Variants in ANK2 observed in about 807,000 individuals in gnomAD.
The protein encoded by ANK2 is ankyrin 2.
In ANK2, 83 loss-of-function variants were observed where a neutral mutation model predicts 360.5. The observed-to-expected ratio is 0.23, with a 90% CI of 0.19 to 0.28. The LOEUF (loss-of-function observed/expected upper bound fraction) is 0.28. Ranked by LOEUF, ANK2 falls within the 10% of genes least tolerant of loss-of-function variation. ANK2 has a pLI of 1.00. For missense variants in ANK2, 4,201 were observed against 4,795.7 expected (o/e 0.88, Z 3.66); for synonymous variants, 1,740 against 1,759.5 (o/e 0.99, Z 0.28).
At chr4:113,294,410 GAGA>G (rs528926874) in intron 22 of ANK2, among the ~76,000 whole-genome samples, 62 of 152,326 alleles carry the variant, frequency 4.1e-4, no homozygotes, top group African/African-American at 1.3e-3. Flanking sequence ...AGTACGACAT[GAGA>G]AGCTCTTCAA....
At chr4:113,139,189 C>A (rs900259054) in intron 1 of ANK2, among the ~76,000 whole-genome samples, 1 of 152,198 alleles carries the variant, frequency 6.6e-6, no homozygotes, top group Non-Finnish European at 1.5e-5. Context: ...TTCTCTCCAG[C>A]CTACCATGAA....
At chr4:113,263,773 A>T (rs2054368972) in intron 13 of ANK2, among the ~76,000 whole-genome samples, 1 of 152,244 alleles carries the variant, frequency 6.6e-6, no homozygotes, top group Non-Finnish European at 1.5e-5. Context: ...ATCAATCTGT[A>T]ATAATTTTTA....
intron 2 of ANK2, among the ~76,000 whole-genome samples, chr4:112,923,036 G>A (rs1187010216): frequency 6.6e-6 from 1 of 151,946 alleles, no homozygotes; most frequent in Non-Finnish European, 1.5e-5. Flanking sequence ...AGATTTAAAT[G>A]TCACAAGATA....
intron 20 of ANK2, among the ~76,000 whole-genome samples, chr4:113,291,199 G>A (rs952660293): frequency 2.0e-5 from 3 of 152,166 alleles, no homozygotes; most frequent in South Asian, 2.1e-4. Flanking sequence ...CTGAAAAGAT[G>A]AACTAAATTC....
chr4:113,079,611 A>C (rs79210227), intron 1 of ANK2, among the ~76,000 whole-genome samples: 7,642 of 152,240 alleles, frequency 0.05, 383 homozygotes, highest in African/African-American at 0.13. Flanking sequence ...TAAGTAAATA[A>C]ACTTGGAAAT....
At chr4:113,095,287 T>G (rs2090506787) in intron 1 of ANK2, among the ~76,000 whole-genome samples, 1 of 152,242 alleles carries the variant, frequency 6.6e-6, no homozygotes, top group Non-Finnish European at 1.5e-5. Flanking sequence ...TCTACTGTGT[T>G]GATGCTTCAG....
At chr4:112,967,466 T>C (rs1023903681) in intron 2 of ANK2, among the ~76,000 whole-genome samples, 1 of 152,218 alleles carries the variant, frequency 6.6e-6, no homozygotes, top group Non-Finnish European at 1.5e-5. Flanking sequence ...AGAAGTATTT[T>C]TCCATTGTTC....
At chr4:113,125,405 A>C (rs1232870584) in intron 1 of ANK2, among the ~76,000 whole-genome samples, 1 of 152,174 alleles carries the variant, frequency 6.6e-6, no homozygotes, top group Non-Finnish European at 1.5e-5. Context: ...GCAGGATAAG[A>C]GGTGGATGTG....
rs911007807 is a variant in ANK2 at position 112,922,963 on chromosome 4, T to A, written c.21+18449T>A. Among the ~76,000 whole-genome samples the A allele has an allele frequency of 2.0e-5, 3 of 152,202 alleles. No individual in the cohort carries two copies. In the East Asian group the frequency reaches 5.8e-4, roughly 29 times the overall value. ...TGTCTTAAAAGAAAAGATAATATCTTACATAATGCTAGGATTTTTTTTCTA... is the reference window on the plus strand; with the variant it reads ...TGTCTTAAAAGAAAAGATAATATCTAACATAATGCTAGGATTTTTTTTCTA... On this transcript the variant is annotated intron_variant, in intron 2 of 30. Transcript: ENST00000503271.
intron 24 of ANK2, among the ~76,000 whole-genome samples, chr4:113,315,674 G>A (rs574263264): frequency 2.2e-4 from 33 of 152,078 alleles, no homozygotes; most frequent in Non-Finnish European, 3.5e-4. Flanking sequence ...CAAGGTGGGC[G>A]GATCACGAGG....
At chr4:113,330,155 A>G (rs755599420) in intron 26 of ANK2, 91 bp from the exon 27 acceptor site, 1 of 1,246,012 alleles carries the variant, frequency 8.0e-7, no homozygotes, top group Non-Finnish European at 1.1e-6. Context: ...AGAGATTTTG[A>G]GACAAAGCAT....
chr4:112,793,495 C>T, the ANK2 span, among the ~76,000 whole-genome samples: 4 of 151,948 alleles, frequency 2.6e-5, no homozygotes, highest in Non-Finnish European at 5.9e-5. Context: ...GTTATTTACT[C>T]TGAAAACCCC....
chr4:113,104,727 C>CAACAACAACAAT (rs533897319), intron 1 of ANK2, among the ~76,000 whole-genome samples: 6 of 98,334 alleles, frequency 6.1e-5, no homozygotes, highest in Admixed American at 2.5e-4. Flanking sequence ...AGCTAAACAA[C>CAACAACAACAAT]AACAACAACA....
At chr4:113,310,048 C>A (rs949952497) in intron 23 of ANK2, among the ~76,000 whole-genome samples, 1 of 152,098 alleles carries the variant, frequency 6.6e-6, no homozygotes, top group Non-Finnish European at 1.5e-5. Flanking sequence ...TTATCTTTAC[C>A]TTTCTCACCT....
intron 1 of ANK2, among the ~76,000 whole-genome samples, chr4:113,167,327 G>A (rs2097783065): frequency 6.7e-6 from 1 of 149,136 alleles, no homozygotes; most frequent in Non-Finnish European, 1.5e-5. Context: ...TGGAAACAGA[G>A]TTTCGCTCTT....
Position 113,335,856 on chromosome 4 carries a change from C to A in ANK2, c.3390C>A (p.Ser1130Arg). Residue 1130 changes from serine to arginine, a missense_variant, in exon 30 of 46, where the codon AGC (serine) becomes AGA (arginine). Transcript: ENST00000357077. Reference protein sequence around the residue: ...ILNGMDEVLDSPEDLEKKRIC... With the variant: ...ILNGMDEVLDRPEDLEKKRIC... ...CATTTCTTGTCTTAGTACTGGATAG[C>A]CCAGAAGACCTAGAAAAGAAACGAA... 6.2e-7 allele frequency: 1 copy of A among 1,614,000 alleles called. No homozygotes were observed. The highest frequency in any genetic ancestry group is 8.5e-7 in the Non-Finnish European group (1 of 1,179,892).
intron 2 of ANK2, among the ~76,000 whole-genome samples, chr4:113,003,114 C>T (rs2051419667): frequency 6.6e-6 from 1 of 152,158 alleles, no homozygotes; most frequent in South Asian, 2.1e-4. Flanking sequence ...AGTTTGATCT[C>T]TTTGAGTATG....
At chr4:113,081,863 G>A (rs2082542130) in intron 1 of ANK2, among the ~76,000 whole-genome samples, 2 of 150,456 alleles carry the variant, frequency 1.3e-5, no homozygotes, top group Non-Finnish European at 2.9e-5. Flanking sequence ...AAGCTGGAGT[G>A]CAATGGTGCA....
intron 2 of ANK2, among the ~76,000 whole-genome samples, chr4:112,985,706 T>C (rs2044600461): frequency 6.6e-6 from 1 of 152,184 alleles, no homozygotes; most frequent in Non-Finnish European, 1.5e-5. Context: ...ATTCAAGTTT[T>C]TGGGTAGACT....
Sources: allele counts gnomAD v4.1 joint callset (sites outside exome capture counted in the v4.1 genomes callset), GRCh38; gene constraint gnomAD v4.1.1; transcripts MANE v1.5; gene names NCBI Gene and HGNC (gene_info 2026-07-23, HGNC 2026-07-21).